STK24: variants seen among roughly 807,000 people sequenced by gnomAD.
STK24 encodes the protein serine/threonine kinase 24.
A neutral mutation model predicts 55.6 loss-of-function variants in STK24; 21 were observed. That is an observed-to-expected ratio of 0.38 (90% CI 0.27 to 0.54). The LOEUF is 0.54. Among genes scored for constraint, STK24 ranks in the 20% least tolerant of loss-of-function variants. The pLI is 0.79. For synonymous variants in STK24, 200 were observed against 215.2 expected, an observed-to-expected ratio of 0.93 and a Z score of 0.62; for missense variants, 383 against 538.4, an observed-to-expected ratio of 0.71 and a Z score of 2.86.
intron 1 of STK24, among the ~76,000 whole-genome samples, chr13:98,546,258 C>G (rs1897026201): frequency 6.6e-6 from 1 of 152,154 alleles, no homozygotes; most frequent in Admixed American, 6.5e-5. Context: ...GCACCTTATC[C>G]CAAAGGCAGT....
intron 1 of STK24, among the ~76,000 whole-genome samples, chr13:98,536,068 G>C (rs1896725348): frequency 6.6e-6 from 1 of 152,220 alleles, no homozygotes; most frequent in Non-Finnish European, 1.5e-5. Flanking sequence ...CCTCGAAGGG[G>C]AAATTCCTGG....
intron 2 of STK24, among the ~76,000 whole-genome samples, chr13:98,518,741 T>G (rs1896159186): frequency 6.6e-6 from 1 of 152,246 alleles, no homozygotes; most frequent in Non-Finnish European, 1.5e-5. Flanking sequence ...ACTACCGTTT[T>G]ATTTAAGTAA....
chr13:98,461,107 T>C (rs1038502270), intron 8 of STK24, among the ~76,000 whole-genome samples: 4 of 151,016 alleles, frequency 2.6e-5, no homozygotes, highest in African/African-American at 4.9e-5. Flanking sequence ...ACCCTGGAAA[T>C]AGAAATCAGG....
At chr13:98,570,349 A>G (rs537833906) in intron 1 of STK24, among the ~76,000 whole-genome samples, 1 of 152,352 alleles carries the variant, frequency 6.6e-6, no homozygotes, top group East Asian at 1.9e-4. Context: ...ATAGAAACTA[A>G]ACAAAATCCT....
chr13:98,463,543 G>A, intron 7 of STK24, 148 bp downstream of exon 7: 1 of 939,290 alleles, frequency 1.1e-6, no homozygotes, highest in South Asian at 1.8e-5. Context: ...AACAGGCCCA[G>A]GCTGTGTCTA....
In STK24 at chr13:98,527,602, A is replaced by G. The variant is rs541001170; in HGVS notation, c.43-8129T>C. ...GCACCCCCTTCCCCACTCTTCTCTG[A>G]ACCCACCTCCATGTGCCCCTGTGCC... On this transcript the variant is annotated intron_variant, in intron 1 of 10. Coordinates refer to ENST00000539966, the MANE Select transcript of STK24 (RefSeq NM_001032296.4). Among the ~76,000 whole-genome samples the G allele has an allele frequency of 9.9e-4, 151 of 152,190 alleles. 1 individual carries two copies. The highest frequency in any genetic ancestry group is 3.4e-3 in the African/African-American group (143 of 41,532).
chr13:98,518,804 T>C (rs1896162402), intron 2 of STK24, among the ~76,000 whole-genome samples: 1 of 152,370 alleles, frequency 6.6e-6, no homozygotes, highest in South Asian at 2.1e-4. Context: ...GCTAGCTAAC[T>C]AACCAACATT....
Position 98,448,309 on chromosome 13 carries a change from G to T in STK24, c.*4864C>A. The T allele has an allele frequency of 6.2e-7, 1 of 1,612,828 alleles. No homozygotes were observed. The highest frequency in any genetic ancestry group is 8.5e-7 in the Non-Finnish European group (1 of 1,178,752). On this transcript the variant is annotated 3_prime_UTR_variant, in exon 11 of 11. Transcript: ENST00000539966. ...CGTGTTGAGTCACAAAGAGTCTCTT[G>T]TGTATTGATGGCCGGACACACTCGT...
intron 4 of STK24, 81 bp downstream of exon 4, chr13:98,475,169 C>T: frequency 7.0e-7 from 1 of 1,427,484 alleles, no homozygotes; most frequent in South Asian, 1.3e-5. Context: ...TGGGCGCCAG[C>T]ACCTTCCCTT....
rs1241810596 is a variant in STK24 at position 98,461,862 on chromosome 13, G to A, written c.965C>T (p.Ser322Phe). ...TDGQASGGSD[S>F]GDWIFTIREK... ...TCGGATTGTGAAGATCCAGTCCCCA[G>A]AATCACTGCCCCCCGAGGCTTGGCC... is the stretch of plus-strand genomic sequence containing the variant. Residue 322 changes from serine (S) to phenylalanine (F), a missense_variant, in exon 8 of 11, where the codon TCT (serine) becomes TTT (phenylalanine). Ser to Phe is a radical substitution (Grantham distance 155, BLOSUM62 -2). Coordinates refer to ENST00000539966, the MANE Select transcript of STK24 (RefSeq NM_001032296.4). 2 of 1,614,118 alleles carry A rather than the reference G, an allele frequency of 1.2e-6. No homozygotes were observed. The highest frequency in any genetic ancestry group is 1.7e-6 in the Non-Finnish European group (2 of 1,179,978).
At position 98,456,552 on chromosome 13, in the gene STK24, T is replaced by C. The variant is rs7334609; in HGVS notation, c.1259+616A>G. ...GCAGTCAGGAGGGGCTTGGTTCCCATGGATACTCCTACAACAAGTTGGGAG... is the reference window on the plus strand; with the variant it reads ...GCAGTCAGGAGGGGCTTGGTTCCCACGGATACTCCTACAACAAGTTGGGAG... On this transcript the variant is annotated intron_variant, in intron 10 of 10. Transcript: ENST00000539966. 3,309 of 507,044 alleles carry C rather than the reference T, an allele frequency of 6.5e-3. 91 individuals carry two copies. The highest frequency in any genetic ancestry group is 0.056 in the African/African-American group (2,888 of 51,286). 31.4% of individuals were successfully genotyped at this position (507,044 alleles called of 1,614,324 possible).
intron 9 of STK24, 93 bp downstream of exon 9, chr13:98,460,279 C>A (rs1893645486): frequency 8.2e-7 from 1 of 1,215,120 alleles, no homozygotes; most frequent in Admixed American, 2.0e-5. Context: ...TCTTAATGTC[C>A]CCAACTCTTA....
At chr13:98,495,903 C>T (rs1360188743) in intron 2 of STK24, among the ~76,000 whole-genome samples, 1 of 152,222 alleles carries the variant, frequency 6.6e-6, no homozygotes, top group Non-Finnish European at 1.5e-5. Context: ...ATACCACGGG[C>T]TCCATGGACC....
chr13:98,524,656 G>A (rs550239397), intron 1 of STK24, among the ~76,000 whole-genome samples: 2 of 152,254 alleles, frequency 1.3e-5, no homozygotes, highest in African/African-American at 4.8e-5. Flanking sequence ...GTGATATAGC[G>A]GTTTCTTGGT....
At chr13:98,483,354 G>A (rs1046084208) in intron 2 of STK24, among the ~76,000 whole-genome samples, 37 of 152,150 alleles carry the variant, frequency 2.4e-4, no homozygotes, top group South Asian at 6.2e-4. Flanking sequence ...AGCCTGCTCC[G>A]CTGCTGACTC....
rs554302995 is a variant in STK24, at chr13:98,461,687, C to T, written c.1053+87G>A. ...GACAGCTGCCACAAAGGACCCCAGC[C>T]GCACCCACAGCAAGCTTCACACACA... On this transcript the variant is annotated intron_variant, in intron 8 of 10. Transcript: ENST00000539966. 51 of 1,567,564 alleles carry T rather than the reference C, an allele frequency of 3.3e-5. 1 individual carries two copies. Among genetic ancestry groups the T allele is most frequent in the South Asian group, 2.3e-4 (20 of 87,754 alleles).
intron 2 of STK24, among the ~76,000 whole-genome samples, chr13:98,494,412 C>CAAAAAAAAAAAAAA (rs1162677599): frequency 0.01 from 666 of 66,550 alleles, 54 homozygotes; most frequent in African/African-American, 0.031. Flanking sequence ...AGACTCGTCT[C>CAAAAAAAAAAAAAA]AAAAAAAAAA....
intron 9 of STK24, 64 bp downstream of exon 9, chr13:98,460,308 G>T: frequency 4.2e-6 from 6 of 1,441,858 alleles, no homozygotes; most frequent in Non-Finnish European, 5.8e-6. Context: ...CATCACCACT[G>T]AAGTGTGTCC....
intron 1 of STK24, among the ~76,000 whole-genome samples, chr13:98,541,219 C>T (rs576707040): frequency 5.9e-5 from 9 of 151,938 alleles, no homozygotes; most frequent in Non-Finnish European, 8.8e-5. Context: ...TGAGTTGGTC[C>T]GGGGATAATT....
Sources: allele counts gnomAD v4.1 joint callset (sites outside exome capture counted in the v4.1 genomes callset), GRCh38; gene constraint gnomAD v4.1.1; transcripts MANE v1.5; gene names NCBI Gene and HGNC (gene_info 2026-07-23, HGNC 2026-07-21).